The following RAB28 variants were observed in gnomAD, a reference collection of about 807,000 sequenced individuals.
RAB28 encodes ras-related protein Rab-28.
RAB28 carries 24 observed loss-of-function variants against 31.7 expected under a neutral mutation model. The ratio of observed to expected loss-of-function variants is 0.76; its 90% CI spans 0.55 to 1.06. The LOEUF (loss-of-function observed/expected upper bound fraction) is 1.06, where lower values mean the gene tolerates loss of function less well. Ranked by LOEUF, RAB28 falls within the 50% of genes least tolerant of loss-of-function variation. The probability of loss-of-function intolerance (pLI) is 0.00; values close to 1 mark genes in which losing one functional copy is unlikely to be tolerated. For synonymous variants in RAB28, 100 were observed against 90.4 expected (o/e 1.11, Z -0.60); for missense variants, 254 against 258.5 (o/e 0.98, Z 0.12).
Position 13,368,555 on chromosome 4 carries a change from C to A in RAB28, c.*3G>T. 1 of 1,600,852 alleles carries A rather than the reference C, an allele frequency of 6.2e-7. No individual in the cohort carries two copies. Among genetic ancestry groups the A allele is most frequent in the African/African-American group, 1.4e-5 (1 of 73,874 alleles). The stretch of plus-strand genomic sequence containing the variant: ...GAACTATCAACACAAAAGAAAAATG[C>A]GCTCACTGAACTGCACACATAGAGC... On this transcript the variant is annotated 3_prime_UTR_variant, in exon 7 of 7. Coordinates refer to ENST00000330852, the MANE Select transcript of RAB28 (RefSeq NM_001017979.3).
chr4:13,369,895 C>G (rs1485542079), intron 6 of RAB28: 1 of 1,612,044 alleles, frequency 6.2e-7, no homozygotes, highest in African/African-American at 1.3e-5. Context: ...TGAACAGATT[C>G]TACTCTGAGT....
intron 3 of RAB28, 28 bp from the exon 4 acceptor site, chr4:13,460,856 G>A: frequency 6.3e-7 from 1 of 1,597,100 alleles, no homozygotes; most frequent in Non-Finnish European, 8.6e-7. Context: ...CAAAATATCT[G>A]TAATGTATTA....
intron 4 of RAB28, among the ~76,000 whole-genome samples, chr4:13,415,540 C>G (rs1335543923): frequency 1.3e-5 from 2 of 152,120 alleles, no homozygotes; most frequent in African/African-American, 4.8e-5. Context: ...GCACCCAGGC[C>G]AGTGGCTGCA....
chr4:13,418,978 C>A (rs1247160010), intron 4 of RAB28, among the ~76,000 whole-genome samples: 1 of 152,012 alleles, frequency 6.6e-6, no homozygotes, highest in Non-Finnish European at 1.5e-5. Context: ...GAGTCAAGAC[C>A]CATCAGTGTG....
chr4:13,381,727 TA>T, intron 4 of RAB28, 133 bp from the exon 5 acceptor site: 1 of 582,082 alleles, frequency 1.7e-6, no homozygotes, highest in Non-Finnish European at 3.0e-6. Flanking sequence ...TTGGACAATT[TA>T]TTAAACCTCT....
At chr4:13,457,165 T>C (rs887596417) in intron 4 of RAB28, among the ~76,000 whole-genome samples, 5 of 152,218 alleles carry the variant, frequency 3.3e-5, no homozygotes, top group Non-Finnish European at 4.4e-5. Flanking sequence ...ACTATGTTTA[T>C]GTAATGAGTA....
At chr4:13,393,121 T>C (rs942573080) in intron 4 of RAB28, among the ~76,000 whole-genome samples, 1 of 152,184 alleles carries the variant, frequency 6.6e-6, no homozygotes, top group Non-Finnish European at 1.5e-5. Flanking sequence ...GATGCTATTC[T>C]GAAATCATGA....
intron 3 of RAB28, among the ~76,000 whole-genome samples, chr4:13,461,823 G>A (rs1349424472): frequency 6.6e-6 from 1 of 152,090 alleles, no homozygotes; most frequent in Non-Finnish European, 1.5e-5. Flanking sequence ...TTCTTAGGTT[G>A]TAACAGTAGT....
chr4:13,456,940 T>C (rs1319977971), intron 4 of RAB28, among the ~76,000 whole-genome samples: 2 of 152,182 alleles, frequency 1.3e-5, no homozygotes, highest in Non-Finnish European at 2.9e-5. Flanking sequence ...GTTTAATATA[T>C]TTTAATAAAA....
At chr4:13,459,300 A>T (rs1220162214) in intron 4 of RAB28, among the ~76,000 whole-genome samples, 1 of 152,166 alleles carries the variant, frequency 6.6e-6, no homozygotes, top group Non-Finnish European at 1.5e-5. Context: ...CAGATGGCCT[A>T]TCGTGGGACT....
At chr4:13,434,540 A>T (rs1713986602) in intron 4 of RAB28, among the ~76,000 whole-genome samples, 1 of 152,158 alleles carries the variant, frequency 6.6e-6, no homozygotes, top group Non-Finnish European at 1.5e-5. Context: ...CTAACAAAGG[A>T]ATTAAATTAG....
chr4:13,394,462 A>G (rs1278052659), intron 4 of RAB28, among the ~76,000 whole-genome samples: 1 of 152,210 alleles, frequency 6.6e-6, no homozygotes, highest in Non-Finnish European at 1.5e-5. Context: ...AGTAATGCTC[A>G]CTGTCCACTG....
chr4:13,384,973 A>T (rs1490641285), intron 4 of RAB28, among the ~76,000 whole-genome samples: 7 of 152,218 alleles, frequency 4.6e-5, no homozygotes, highest in Non-Finnish European at 4.4e-5. Context: ...ATGATACAGG[A>T]GCTGACAGAC....
chr4:13,417,262 G>A (rs1311268092), intron 4 of RAB28, among the ~76,000 whole-genome samples: 1 of 152,214 alleles, frequency 6.6e-6, no homozygotes, highest in Non-Finnish European at 1.5e-5. Flanking sequence ...GCCTACCACA[G>A]CTCTGCAAGG....
At chr4:13,395,816 T>C (rs1423586960) in intron 4 of RAB28, among the ~76,000 whole-genome samples, 1 of 152,084 alleles carries the variant, frequency 6.6e-6, no homozygotes, top group East Asian at 1.9e-4. Flanking sequence ...TGAAGCACTT[T>C]GTAAGAGTAT....
chr4:13,401,293 T>C (rs1446658219), intron 4 of RAB28, among the ~76,000 whole-genome samples: 1 of 152,160 alleles, frequency 6.6e-6, no homozygotes, highest in Non-Finnish European at 1.5e-5. Flanking sequence ...AGAGTGAACT[T>C]AGTTTGTGTC....
At chr4:13,460,952 T>C (rs540222764) in intron 3 of RAB28, 124 bp from the exon 4 acceptor site, 3 of 866,926 alleles carry the variant, frequency 3.5e-6, no homozygotes, top group East Asian at 5.5e-5. Context: ...TAGTGTTTTA[T>C]ATATAAACTT....
intron 4 of RAB28, among the ~76,000 whole-genome samples, chr4:13,438,053 A>G (rs2108938038): frequency 6.6e-6 from 1 of 152,298 alleles, no homozygotes; most frequent in Non-Finnish European, 1.5e-5. Flanking sequence ...AGCAACATTG[A>G]TGCATCTGGA....
chr4:13,416,968 A>C (rs112370400), intron 4 of RAB28, among the ~76,000 whole-genome samples: 3 of 152,110 alleles, frequency 2.0e-5, no homozygotes, highest in African/African-American at 7.2e-5. Flanking sequence ...GGGTCGGGGG[A>C]TTTCCCTTTC....
Sources: allele counts gnomAD v4.1 joint callset (sites outside exome capture counted in the v4.1 genomes callset), GRCh38; gene constraint gnomAD v4.1.1; transcripts MANE v1.5; gene names NCBI Gene and HGNC (gene_info 2026-07-23, HGNC 2026-07-21).